FHDC1: variants seen among roughly 807,000 people sequenced by gnomAD.
FHDC1 encodes the protein FH2 domain containing 1.
FHDC1 carries 25 observed loss-of-function variants against 52.6 expected under a neutral mutation model. The ratio of observed to expected loss-of-function variants is 0.48; its 90% CI spans 0.35 to 0.66. The LOEUF is 0.66. Ranked by LOEUF, FHDC1 falls within the 30% of genes least tolerant of loss-of-function variation. FHDC1 has a pLI of 0.01. For missense variants in FHDC1, 1,459 were observed against 1,452.8 expected (o/e 1.00, Z -0.07); for synonymous variants, 616 against 581.5 (o/e 1.06, Z -0.85).
the FHDC1 span, among the ~76,000 whole-genome samples, chr4:152,919,951 T>C: frequency 2.9e-5 from 3 of 103,868 alleles, no homozygotes; most frequent in East Asian, 2.5e-4. Context: ...GTTCTTTTTT[T>C]TTTTTTTTTT....
the FHDC1 span, among the ~76,000 whole-genome samples, chr4:152,919,999 G>C: frequency 1.4e-5 from 2 of 140,510 alleles, no homozygotes; most frequent in East Asian, 2.2e-4. Flanking sequence ...CGAGGTTGGA[G>C]TGCAGTGGCG....
At chr4:152,915,733 G>A in the FHDC1 span, among the ~76,000 whole-genome samples, 1 of 152,112 alleles carries the variant, frequency 6.6e-6, no homozygotes, top group Non-Finnish European at 1.5e-5. Context: ...ACACAGGGAT[G>A]GCCAATGGAT....
chr4:152,932,968 C>A (rs536521625), upstream of FHDC1, among the ~76,000 whole-genome samples: 13 of 152,342 alleles, frequency 8.5e-5, no homozygotes, highest in African/African-American at 2.6e-4. Flanking sequence ...CTGGAAAGGG[C>A]AACCCAGGGA....
chr4:152,971,577 T>C (rs1740636042), intron 10 of FHDC1, among the ~76,000 whole-genome samples: 1 of 152,176 alleles, frequency 6.6e-6, no homozygotes. Flanking sequence ...TTCCCATCTC[T>C]GTGTTGAGGC....
intron 10 of FHDC1, among the ~76,000 whole-genome samples, chr4:152,971,829 C>T (rs953396717): frequency 3.9e-5 from 6 of 152,168 alleles, no homozygotes; most frequent in Non-Finnish European, 8.8e-5. Flanking sequence ...CTTGGATCAG[C>T]ACCCCGGGTT....
At chr4:152,970,881 C>G (rs1740618642) in intron 10 of FHDC1, among the ~76,000 whole-genome samples, 2 of 152,156 alleles carry the variant, frequency 1.3e-5, no homozygotes, top group African/African-American at 4.8e-5. Context: ...CTGTAGCTCT[C>G]CACACAGGTT....
Position 152,978,922 on chromosome 4 carries a change from G to A in FHDC1, c.*2199G>A, listed in dbSNP as rs1014740293. 4 of 152,118 alleles carry A rather than the reference G, an allele frequency of 2.6e-5. No individual in the cohort carries two copies. Among genetic ancestry groups the A allele is most frequent in the Non-Finnish European group, 5.9e-5 (4 of 68,032 alleles). 9.4% of individuals were successfully genotyped at this position (152,118 alleles called of 1,614,324 possible). A position where few individuals can be genotyped will look rare whatever the true frequency, so the allele number is the denominator to read the frequency against. ...CCTCTTGTAAAAACAGCCCTGAGTA[G>A]GTATTTCCAGGGCTCCACAAAGTTG... On this transcript the variant is annotated 3_prime_UTR_variant, in exon 12 of 12. Transcript: ENST00000511601.
chr4:152,967,334 TGA>T (rs1740495007), intron 9 of FHDC1, among the ~76,000 whole-genome samples: 1 of 151,778 alleles, frequency 6.6e-6, no homozygotes, highest in South Asian at 2.1e-4. Flanking sequence ...GGCTGAGGCA[TGA>T]GAATTGCTTG....
intron 6 of FHDC1, among the ~76,000 whole-genome samples, chr4:152,961,730 T>C (rs1181005248): frequency 6.6e-6 from 1 of 152,224 alleles, no homozygotes; most frequent in Non-Finnish European, 1.5e-5. Context: ...CTCTGGCCTG[T>C]TTTGAGATAA....
Position 152,975,196 on chromosome 4 carries a change from C to T in FHDC1, c.1905C>T (p.Pro635=), listed in dbSNP as rs1740813227. The T allele has an allele frequency of 3.7e-6, 6 of 1,613,164 alleles. No individual in the cohort carries two copies. In the South Asian group the frequency reaches 5.5e-5, roughly 15 times the overall value. Residue 635 remains proline (P), a synonymous_variant, in exon 12 of 12, where the codon CCC becomes CCT. Coordinates refer to ENST00000511601, the MANE Select transcript of FHDC1 (RefSeq NM_001371116.1). The part of the protein sequence containing the change: ...AQPENHASAF[P]RARRQGVSVL... ...CTGAGAACCATGCCTCTGCCTTCCC[C>T]AGAGCTCGGCGCCAGGGCGTCAGTG...
In FHDC1 at chr4:152,978,868, C is replaced by T. The variant is rs1310788309; in HGVS notation, c.*2145C>T. On this transcript the variant is annotated 3_prime_UTR_variant, in exon 12 of 12. Transcript: ENST00000511601. Reference sequence around the variant, plus strand: ...TGAGTTTTAAAGGTAAACGTTATGGCTGAAATAGTAAAGCACCTGACCACA... The same window carrying T: ...TGAGTTTTAAAGGTAAACGTTATGGTTGAAATAGTAAAGCACCTGACCACA... 1 of 152,082 alleles carries T rather than the reference C, an allele frequency of 6.6e-6. No individual in the cohort carries two copies. Among genetic ancestry groups the T allele is most frequent in the Non-Finnish European group, 1.5e-5 (1 of 68,038 alleles). The allele number at this position is 152,082 out of a possible 1,614,324, so 9.4% of individuals were successfully genotyped here.
At chr4:152,936,136 G>T (rs1350120912), upstream of FHDC1, among the ~76,000 whole-genome samples, 1 of 152,116 alleles carries the variant, frequency 6.6e-6, no homozygotes, top group Non-Finnish European at 1.5e-5. Flanking sequence ...GCAGGTGAAG[G>T]TGAGCGCGTG....
In FHDC1 at chr4:152,974,901, G is replaced by A. The variant is rs61753618; in HGVS notation, c.1610G>A (p.Arg537His). Reference sequence around the variant, plus strand: ...CCCTCCTACCGGCCCCCGAACACCCGCCGCTCCCGCCTCTCCCTGGGTCCC... The same window carrying A: ...CCCTCCTACCGGCCCCCGAACACCCACCGCTCCCGCCTCTCCCTGGGTCCC... ...SSPSYRPPNTRRSRLSLGPSA... is the reference protein window; with the variant it reads ...SSPSYRPPNTHRSRLSLGPSA... The change falls in exon 12 of 12, where the codon CGC (arginine) becomes CAC (histidine). Residue 537 changes from arginine (R) to histidine (H), a missense_variant. Physicochemically the swap from Arg to His is conservative, Grantham distance 29. This residue lies in a region of FHDC1 where 939 missense variants were observed against 854.5 expected (regional missense o/e 1.10). Coordinates refer to ENST00000511601, the MANE Select transcript of FHDC1 (RefSeq NM_001371116.1). 0.012 allele frequency: 19,411 copies of A among 1,607,890 alleles called. 150 individuals carry two copies. The highest frequency in any genetic ancestry group is 0.014 in the Non-Finnish European group (16,592 of 1,177,934).
chr4:152,949,443 G>A (rs974949318), intron 2 of FHDC1, among the ~76,000 whole-genome samples: 4 of 152,040 alleles, frequency 2.6e-5, no homozygotes, highest in African/African-American at 4.8e-5. Flanking sequence ...TCACACCACC[G>A]CACTCCAGCC....
At chr4:152,937,574 G>A (rs1277582285) in intron 1 of FHDC1, among the ~76,000 whole-genome samples, 4 of 151,784 alleles carry the variant, frequency 2.6e-5, no homozygotes, top group Non-Finnish European at 5.9e-5. Flanking sequence ...CCGGACGGGA[G>A]AGCGGTCGGC....
intron 2 of FHDC1, among the ~76,000 whole-genome samples, chr4:152,951,589 A>AT: frequency 6.6e-6 from 1 of 152,142 alleles, no homozygotes; most frequent in Middle Eastern, 3.4e-3. Flanking sequence ...AGGAAGTGAC[A>AT]TTAACGTTGG....
rs554140121 is a variant in FHDC1 at position 152,967,204 on chromosome 4, T to C, written c.1101-776T>C. Reference sequence around the variant, plus strand: ...ACTTTGGGAGGCTGAGGTGGGCAGATCATTTGAGCTCAGGGGTTCTAGACC... The same window carrying C: ...ACTTTGGGAGGCTGAGGTGGGCAGACCATTTGAGCTCAGGGGTTCTAGACC... On this transcript the variant is annotated intron_variant, in intron 9 of 11. Transcript: ENST00000511601. Among the ~76,000 whole-genome samples the C allele has an allele frequency of 6.2e-4, 95 of 152,168 alleles. 1 individual carries two copies. The highest frequency in any genetic ancestry group is 1.2e-3 in the Non-Finnish European group (80 of 68,026).
Position 152,976,274 on chromosome 4 carries a change from C to CTTCA in FHDC1, c.2983_2984insTTCA (p.Gln995LeufsTer5). The CTTCA allele has an allele frequency of 6.2e-7, 1 of 1,613,450 alleles. No individual in the cohort carries two copies. On this transcript the variant is annotated frameshift_variant, in exon 12 of 12. Transcript: ENST00000511601. LOFTEE classifies it low-confidence loss of function (END_TRUNC). ...CAAACCACTCAGGAACCTCCCCAGA[C>CTTCA]AGAAGCCTGAGGAAAATAAGACCTG...
At chr4:152,972,850 G>A (rs1740681957) in intron 11 of FHDC1, among the ~76,000 whole-genome samples, 1 of 152,212 alleles carries the variant, frequency 6.6e-6, no homozygotes, top group African/African-American at 2.4e-5. Flanking sequence ...CATGATGGCT[G>A]TCATACCATT....
Sources: allele counts gnomAD v4.1 joint callset (sites outside exome capture counted in the v4.1 genomes callset), GRCh38; gene constraint gnomAD v4.1.1; regional missense constraint gnomAD v4.1.1; transcripts MANE v1.5; gene names NCBI Gene and HGNC (gene_info 2026-07-23, HGNC 2026-07-21).